FHIT: variants seen among roughly 807,000 people sequenced by gnomAD.
FHIT encodes the protein fragile histidine triad diadenosine triphosphatase, also known as bis(5'-adenosyl)-triphosphatase.
Under a neutral mutation model 17.9 loss-of-function variants are expected in FHIT, and 19 were observed. That is an observed-to-expected ratio of 1.06 (90% CI 0.74 to 1.56). The LOEUF is 1.56. Ranked by LOEUF, FHIT falls within the 40% of genes most tolerant of loss-of-function variation. FHIT has a pLI of 0.00. For missense variants in FHIT, 248 were observed against 189.2 expected, an observed-to-expected ratio of 1.31 and a Z score of -1.82; for synonymous variants, 81 against 69.7, an observed-to-expected ratio of 1.16 and a Z score of -0.81.
intron 2 of FHIT, among the ~76,000 whole-genome samples, chr3:61,119,710 C>A (rs529046376): frequency 6.6e-6 from 1 of 152,122 alleles, no homozygotes; most frequent in Non-Finnish European, 1.5e-5. Context: ...CCACTGAGGG[C>A]GCAAATAAAA....
At chr3:61,197,471 A>G (rs1212063346) in intron 2 of FHIT, among the ~76,000 whole-genome samples, 1 of 146,366 alleles carries the variant, frequency 6.8e-6, no homozygotes, top group Non-Finnish European at 1.5e-5. Flanking sequence ...ATACCTGTTA[A>G]AAAAAAATTA....
At chr3:60,910,644 C>A (rs1290777886) in intron 3 of FHIT, among the ~76,000 whole-genome samples, 3 of 152,164 alleles carry the variant, frequency 2.0e-5, no homozygotes, top group African/African-American at 7.2e-5. Flanking sequence ...CATCTCCTGA[C>A]CTCATGATCC....
intron 5 of FHIT, among the ~76,000 whole-genome samples, chr3:60,153,505 T>C (rs1216001225): frequency 6.6e-6 from 1 of 152,122 alleles, no homozygotes; most frequent in Admixed American, 6.5e-5. Context: ...TTATCATGAA[T>C]ATTGGTTTCT....
rs375644348 is a variant in FHIT, at chr3:60,153,163, TG to T, written c.104-139012del. On this transcript the variant is annotated intron_variant, in intron 5 of 9. Coordinates refer to ENST00000492590, the MANE Select transcript of FHIT (RefSeq NM_002012.4). ...TCCTCAATGATCTTCATAAAAATTC[TG>T]TACTATGGATAAGATGACTCTGTTT... Among the ~76,000 whole-genome samples the T allele has an allele frequency of 1.6e-4, 24 of 152,292 alleles. No homozygotes were observed. The East Asian group carries it at 3.7e-3, about 23-fold the overall frequency.
intron 5 of FHIT, among the ~76,000 whole-genome samples, chr3:60,160,119 T>C (rs1030810734): frequency 9.0e-6 from 1 of 110,610 alleles, no homozygotes; most frequent in African/African-American, 5.4e-5. Context: ...TCCCATTCTG[T>C]GCTTATGTGT....
intron 5 of FHIT, among the ~76,000 whole-genome samples, chr3:60,147,719 T>C (rs1460459895): frequency 6.6e-6 from 1 of 152,180 alleles, no homozygotes; most frequent in Non-Finnish European, 1.5e-5. Flanking sequence ...GGAGTTGAGT[T>C]AGGCTATCTT....
intron 6 of FHIT, 58 bp downstream of exon 6, chr3:60,013,949 C>A: frequency 1.3e-6 from 2 of 1,550,156 alleles, no homozygotes; most frequent in Non-Finnish European, 1.8e-6. Context: ...GAGGAGCAAG[C>A]CCAATGCCGG....
chr3:60,455,400 G>A (rs944712922), intron 5 of FHIT, among the ~76,000 whole-genome samples: 1 of 152,090 alleles, frequency 6.6e-6, no homozygotes, highest in East Asian at 1.9e-4. Context: ...GGTGACTGAT[G>A]AGCCTTCATC....
chr3:60,736,016 T>C (rs2042126245), intron 4 of FHIT, among the ~76,000 whole-genome samples: 1 of 152,000 alleles, frequency 6.6e-6, no homozygotes, highest in African/African-American at 2.4e-5. Flanking sequence ...AAAGAAGAAA[T>C]ACAAATGGCC....
chr3:60,833,784 C>T (rs1702419830), intron 3 of FHIT, among the ~76,000 whole-genome samples: 3 of 152,178 alleles, frequency 2.0e-5, no homozygotes, highest in South Asian at 4.1e-4. Context: ...AATAGCCACA[C>T]CCACTTCCCT....
chr3:60,737,578 A>G (rs2042158955), intron 4 of FHIT, among the ~76,000 whole-genome samples: 1 of 152,228 alleles, frequency 6.6e-6, no homozygotes, highest in Non-Finnish European at 1.5e-5. Flanking sequence ...GACATAAACC[A>G]TCCTGAGAAA....
At chr3:61,179,177 T>C (rs1217842180) in intron 2 of FHIT, among the ~76,000 whole-genome samples, 1 of 151,882 alleles carries the variant, frequency 6.6e-6, no homozygotes, top group East Asian at 1.9e-4. Flanking sequence ...GCCTGGCTAA[T>C]TTTTGTATTT....
In FHIT at chr3:59,753,608, A is replaced by G. The variant is rs150448396; in HGVS notation, c.349-1287T>C. On this transcript the variant is annotated intron_variant, in intron 8 of 9. Transcript: ENST00000492590. The stretch of plus-strand genomic sequence containing the variant: ...AATGCACAGTGTAGTATTTTGTGTT[A>G]TGTGTTAAAAGTCATTTGGGATTGA... Among the ~76,000 whole-genome samples, 32 of 152,308 alleles carry G rather than the reference A, an allele frequency of 2.1e-4. No individual in the cohort carries two copies. In the East Asian group the frequency reaches 5.2e-3, roughly 25 times the overall value.
chr3:60,473,506 C>T (rs2033191427), intron 5 of FHIT, among the ~76,000 whole-genome samples: 1 of 151,992 alleles, frequency 6.6e-6, no homozygotes, highest in African/African-American at 2.4e-5. Flanking sequence ...AAAAATATTG[C>T]CAGGCTTAAA....
chr3:60,540,080 T>C (rs1216044952), intron 4 of FHIT, among the ~76,000 whole-genome samples: 1 of 152,078 alleles, frequency 6.6e-6, no homozygotes, highest in Non-Finnish European at 1.5e-5. Flanking sequence ...GTGAAGTTGA[T>C]CACCAATGGT....
chr3:60,535,331 C>T (rs1165916390), intron 5 of FHIT, among the ~76,000 whole-genome samples: 1 of 152,132 alleles, frequency 6.6e-6, no homozygotes, highest in Non-Finnish European at 1.5e-5. Flanking sequence ...ATATTTTCAT[C>T]CCAGGTCCCT....
At chr3:59,939,145 G>A (rs1706385119) in intron 7 of FHIT, among the ~76,000 whole-genome samples, 1 of 152,206 alleles carries the variant, frequency 6.6e-6, no homozygotes, top group African/African-American at 2.4e-5. Context: ...CAATGAGACA[G>A]AGTGATTCCA....
rs551419015 is a variant in FHIT, at chr3:59,849,007, C to G, written c.348+73339G>C. 2.0e-5 allele frequency among the ~76,000 whole-genome samples: 3 copies of G among 152,324 alleles called. No individual in the cohort carries two copies. In the South Asian group the frequency reaches 6.2e-4, roughly 32 times the overall value. Reference sequence around the variant, plus strand: ...TGCAAATTCCATTTAGGACAGTACTCTCATATATGAGGTCAGGTTCATATC... The same window carrying G: ...TGCAAATTCCATTTAGGACAGTACTGTCATATATGAGGTCAGGTTCATATC... On this transcript the variant is annotated intron_variant, in intron 8 of 9. Coordinates refer to ENST00000492590, the MANE Select transcript of FHIT (RefSeq NM_002012.4).
At chr3:60,467,827 A>T (rs570975874) in intron 5 of FHIT, among the ~76,000 whole-genome samples, 1 of 152,108 alleles carries the variant, frequency 6.6e-6, no homozygotes, top group African/African-American at 2.4e-5. Context: ...TATTAGGTCC[A>T]TTTGGTCTGT....
Sources: gnomAD v4.1 joint callset for allele counts (sites outside exome capture counted in the v4.1 genomes callset) on GRCh38, gnomAD v4.1.1 for gene constraint, MANE v1.5 for transcripts, NCBI Gene and HGNC (gene_info 2026-07-23, HGNC 2026-07-21) for gene names.